ABHD17C: variants seen among roughly 807,000 people sequenced by gnomAD.
ABHD17C encodes the protein abhydrolase domain containing 17C, depalmitoylase.
A neutral mutation model predicts 27.9 loss-of-function variants in ABHD17C; 11 were observed. The observed-to-expected ratio is 0.39, with a 90% CI of 0.25 to 0.65. The LOEUF (loss-of-function observed/expected upper bound fraction) is 0.65, where lower values mean the gene tolerates loss of function less well. ABHD17C is among the 30% of genes least tolerant of loss of function. The pLI, the probability that ABHD17C is intolerant of heterozygous loss-of-function variation, is 0.45. For missense variants in ABHD17C, 280 were observed against 470.2 expected, an observed-to-expected ratio of 0.60 and a Z score of 3.74; for synonymous variants, 233 against 209.1, an observed-to-expected ratio of 1.11 and a Z score of -0.98.
intron 1 of ABHD17C, among the ~76,000 whole-genome samples, chr15:80,734,500 T>G (rs561939606): frequency 6.6e-6 from 1 of 152,248 alleles, no homozygotes; most frequent in Non-Finnish European, 1.5e-5. Context: ...TTCAAGCAAA[T>G]TATTCTATTT....
intron 1 of ABHD17C, among the ~76,000 whole-genome samples, chr15:80,737,952 T>TA (rs895022639): frequency 3.9e-5 from 6 of 151,970 alleles, no homozygotes; most frequent in African/African-American, 1.2e-4. Flanking sequence ...CAAAGCAGCA[T>TA]AAAAAAAGTT....
chr15:80,749,827 TGTGGGAG>T, intron 2 of ABHD17C, 135 bp downstream of exon 2: 1 of 1,064,468 alleles, frequency 9.4e-7, no homozygotes, highest in Non-Finnish European at 1.3e-6. Context: ...CCACAGGGCA[TGTGGGAG>T]CAAATATGAC....
intron 2 of ABHD17C, among the ~76,000 whole-genome samples, chr15:80,753,738 T>C (rs1286361195): frequency 6.6e-6 from 1 of 152,176 alleles, no homozygotes; most frequent in Non-Finnish European, 1.5e-5. Flanking sequence ...TCTTTACACC[T>C]TTCCTGCAAA....
At position 80,700,142 on chromosome 15, in the gene ABHD17C, A is replaced by G. The variant is rs867017674; in HGVS notation, c.590+4123A>G. On this transcript the variant is annotated intron_variant, in intron 1 of 2. Coordinates refer to ENST00000258884, the MANE Select transcript of ABHD17C (RefSeq NM_021214.2). ...GGAGTAGGCAGATTCAGCCTCCTCA[A>G]CACACATCCTTCCAGGGGATCCTCT... Among the ~76,000 whole-genome samples the G allele has an allele frequency of 3.9e-5, 6 of 152,338 alleles. No homozygotes were observed. The South Asian group carries it at 8.3e-4, about 21-fold the overall frequency.
intron 2 of ABHD17C, among the ~76,000 whole-genome samples, chr15:80,751,465 GGCACAGTGGCTTACACCTGTAATGCCA>G (rs1895365749): frequency 1.3e-5 from 2 of 152,198 alleles, no homozygotes; most frequent in African/African-American, 2.4e-5. Context: ...TTAGAGGACA[GGCACAGTGGCTTACACCTGTAATGCCA>G]GCACTTTTTG....
chr15:80,733,055 G>T (rs569534124), intron 1 of ABHD17C, among the ~76,000 whole-genome samples: 3 of 152,196 alleles, frequency 2.0e-5, no homozygotes, highest in Non-Finnish European at 4.4e-5. Flanking sequence ...AGTCCCAGAG[G>T]CAAGCCTTAC....
At chr15:80,706,648 T>C (rs889999141) in intron 1 of ABHD17C, among the ~76,000 whole-genome samples, 2 of 152,242 alleles carry the variant, frequency 1.3e-5, no homozygotes, top group Admixed American at 6.5e-5. Context: ...GAGATTATGA[T>C]TGATAATCAG....
At chr15:80,717,098 T>G (rs1220893063) in intron 1 of ABHD17C, among the ~76,000 whole-genome samples, 1 of 152,226 alleles carries the variant, frequency 6.6e-6, no homozygotes, top group African/African-American at 2.4e-5. Flanking sequence ...GAAAGCTTAC[T>G]TAAAAATATT....
intron 1 of ABHD17C, among the ~76,000 whole-genome samples, chr15:80,744,142 C>CTAAAA (rs74633731): frequency 0.2 from 30,337 of 151,888 alleles, 4,118 homozygotes; most frequent in African/African-American, 0.39. Flanking sequence ...AATCTGAGAA[C>CTAAAA]TAAAGGGGCC....
chr15:80,748,813 T>C (rs747243758), intron 1 of ABHD17C, among the ~76,000 whole-genome samples: 3 of 151,378 alleles, frequency 2.0e-5, no homozygotes, highest in Non-Finnish European at 2.9e-5. Context: ...ACCTGGAGGT[T>C]GCTCGTGTCA....
intron 1 of ABHD17C, among the ~76,000 whole-genome samples, chr15:80,713,351 G>GTTTTTTT (rs1596062478): frequency 5.0e-4 from 14 of 28,124 alleles, no homozygotes; most frequent in South Asian, 2.9e-3. Flanking sequence ...CTGAGGTCTT[G>GTTTTTTT]TTCTTTTTTT....
chr15:80,750,244 A>C (rs554918059), intron 2 of ABHD17C, among the ~76,000 whole-genome samples: 6 of 152,360 alleles, frequency 3.9e-5, no homozygotes, highest in Admixed American at 2.6e-4. Context: ...CCAGGCTTTG[A>C]TCTTCGGTAA....
At position 80,755,187 on chromosome 15, in the gene ABHD17C, G is replaced by T. The variant is rs1382153648; in HGVS notation, c.*817G>T. 1 of 152,158 alleles carries T rather than the reference G, an allele frequency of 6.6e-6. No individual in the cohort carries two copies. Among genetic ancestry groups the T allele is most frequent in the African/African-American group, 2.4e-5 (1 of 41,446 alleles). The allele number at this position is 152,158 out of a possible 1,614,324, so 9.4% of individuals were successfully genotyped here. On this transcript the variant is annotated 3_prime_UTR_variant, in exon 3 of 3. Transcript: ENST00000258884. ...TGTCAGGCTACAACAATGAACTGCA[G>T]ATTCCTTGTTTGTAATGTAAATGAT...
intron 1 of ABHD17C, among the ~76,000 whole-genome samples, chr15:80,718,109 A>G (rs936080710): frequency 6.6e-6 from 1 of 152,168 alleles, no homozygotes; most frequent in African/African-American, 2.4e-5. Flanking sequence ...TTAGATTAGG[A>G]GCATAGGATT....
chr15:80,727,422 G>T (rs1398702908), intron 1 of ABHD17C, among the ~76,000 whole-genome samples: 1 of 152,154 alleles, frequency 6.6e-6, no homozygotes, highest in Non-Finnish European at 1.5e-5. Context: ...GTGTGCCCTC[G>T]CTAGCCTTGC....
chr15:80,710,184 G>A (rs1045899868), intron 1 of ABHD17C, among the ~76,000 whole-genome samples: 1 of 152,164 alleles, frequency 6.6e-6, no homozygotes, highest in African/African-American at 2.4e-5. Context: ...AGGGACCAGG[G>A]TCCTAAGATG....
At chr15:80,738,010 G>A (rs1205514536) in intron 1 of ABHD17C, among the ~76,000 whole-genome samples, 6 of 152,010 alleles carry the variant, frequency 3.9e-5, no homozygotes, top group East Asian at 3.9e-4. Flanking sequence ...TGGGAAGGAC[G>A]GATTGGAGTA....
intron 1 of ABHD17C, among the ~76,000 whole-genome samples, chr15:80,742,053 G>A (rs1049342076): frequency 5.9e-5 from 9 of 152,172 alleles, no homozygotes; most frequent in African/African-American, 1.9e-4. Context: ...AATTTTCTAT[G>A]TAATATTTTC....
intron 1 of ABHD17C, among the ~76,000 whole-genome samples, chr15:80,726,620 C>T (rs1894983058): frequency 7.0e-6 from 1 of 143,070 alleles, no homozygotes; most frequent in South Asian, 2.3e-4. Context: ...TCACACCATT[C>T]TCCTGCCTCA....
Sources: gnomAD v4.1 joint callset for allele counts (sites outside exome capture counted in the v4.1 genomes callset) on GRCh38, gnomAD v4.1.1 for gene constraint, MANE v1.5 for transcripts, NCBI Gene and HGNC (gene_info 2026-07-23, HGNC 2026-07-21) for gene names.